MLLT3: variants seen among roughly 807,000 people sequenced by gnomAD.
MLLT3 encodes the protein protein AF-9.
Under a neutral mutation model 53.2 loss-of-function variants are expected in MLLT3, and 4 were observed. That is an observed-to-expected ratio of 0.08 (90% CI 0.04 to 0.17). The LOEUF is 0.17. MLLT3 is among the 10% of genes least tolerant of loss of function. The pLI, the probability that MLLT3 is intolerant of heterozygous loss-of-function variation, is 1.00. For synonymous variants in MLLT3, 283 were observed against 230.6 expected (o/e 1.23, Z -2.06); for missense variants, 569 against 684.0 (o/e 0.83, Z 1.87).
chr9:20,378,459 A>T lies in MLLT3; in HGVS notation c.1126-12715T>A, dbSNP rs189718210. 4.6e-4 allele frequency among the ~76,000 whole-genome samples: 70 copies of T among 152,178 alleles called. 2 individuals are homozygous for T. Among genetic ancestry groups the T allele is most frequent in the Non-Finnish European group, 1.5e-5 (1 of 67,896 alleles). The stretch of plus-strand genomic sequence containing the variant: ...AATCAAACTCAGAGCTTAAAAGTTT[A>T]CTTTTTATATTTATACTGTACACAG... On this transcript the variant is annotated intron_variant, in intron 5 of 10. Coordinates refer to ENST00000380338, the MANE Select transcript of MLLT3 (RefSeq NM_004529.4).
At position 20,551,564 on chromosome 9, in the gene MLLT3, C is replaced by T. The variant is rs563014682; in HGVS notation, c.193+69090G>A. On this transcript the variant is annotated intron_variant, in intron 2 of 10. Coordinates refer to ENST00000380338, the MANE Select transcript of MLLT3 (RefSeq NM_004529.4). ...AACAATCAGCCTTTCTCCTGTGACA[C>T]TTTTAATTCAAAAACAAACCCAAGG... 4.1e-4 allele frequency among the ~76,000 whole-genome samples: 62 copies of T among 152,272 alleles called. No individual in the cohort carries two copies. The South Asian group carries it at 0.012, about 30-fold the overall frequency.
chr9:20,553,168 T>C (rs1818968442), intron 2 of MLLT3, among the ~76,000 whole-genome samples: 1 of 152,164 alleles, frequency 6.6e-6, no homozygotes, highest in Admixed American at 6.5e-5. Context: ...ACCTCATGAA[T>C]CTTGGAGCAA....
At chr9:20,376,434 A>G (rs1291685589) in intron 5 of MLLT3, among the ~76,000 whole-genome samples, 1 of 152,220 alleles carries the variant, frequency 6.6e-6, no homozygotes, top group Non-Finnish European at 1.5e-5. Context: ...TATTTCTGTT[A>G]TATTTTCAAC....
intron 2 of MLLT3, among the ~76,000 whole-genome samples, chr9:20,566,586 A>G (rs373273437): frequency 6.3e-4 from 96 of 152,224 alleles, no homozygotes; most frequent in African/African-American, 2.2e-3. Context: ...TGTGCACTCT[A>G]TAAGAGCAAG....
At chr9:20,547,178 T>C (rs1469664213) in intron 2 of MLLT3, among the ~76,000 whole-genome samples, 1 of 152,052 alleles carries the variant, frequency 6.6e-6, no homozygotes, top group Non-Finnish European at 1.5e-5. Flanking sequence ...AATTGAGATA[T>C]GTTATATTCT....
intron 2 of MLLT3, among the ~76,000 whole-genome samples, chr9:20,583,538 T>C (rs547191170): frequency 1.3e-5 from 2 of 152,258 alleles, no homozygotes; most frequent in South Asian, 4.1e-4. Context: ...CAGCAAATTT[T>C]TCCCTGGGCA....
chr9:20,616,416 G>GT (rs1026370695), intron 2 of MLLT3, among the ~76,000 whole-genome samples: 45 of 151,904 alleles, frequency 3.0e-4, no homozygotes, highest in African/African-American at 1.1e-3. Flanking sequence ...TTCTATATTG[G>GT]TTTTTTATTC....
chr9:20,563,103 G>C (rs553610752), intron 2 of MLLT3, among the ~76,000 whole-genome samples: 6 of 152,078 alleles, frequency 3.9e-5, no homozygotes, highest in African/African-American at 1.4e-4. Context: ...ACATGCTGGG[G>C]AAAGTTTCCA....
chr9:20,366,289 T>C (rs1821449074), intron 5 of MLLT3, among the ~76,000 whole-genome samples: 1 of 152,196 alleles, frequency 6.6e-6, no homozygotes, highest in South Asian at 2.1e-4. Context: ...TATGAGAACA[T>C]GCGGTGTTTG....
intron 7 of MLLT3, among the ~76,000 whole-genome samples, chr9:20,362,173 C>G (rs1456347810): frequency 1.3e-5 from 2 of 152,156 alleles, no homozygotes; most frequent in East Asian, 3.9e-4. Context: ...AGGCAGGGAA[C>G]AAGAAAAGCA....
intron 2 of MLLT3, among the ~76,000 whole-genome samples, chr9:20,541,479 A>C (rs566007293): frequency 6.6e-6 from 1 of 152,344 alleles, no homozygotes; most frequent in African/African-American, 2.4e-5. Flanking sequence ...GAAACTTACA[A>C]TCATGGCAGA....
chr9:20,586,598 G>A (rs540480928), intron 2 of MLLT3, among the ~76,000 whole-genome samples: 1 of 151,928 alleles, frequency 6.6e-6, no homozygotes, highest in Non-Finnish European at 1.5e-5. Flanking sequence ...ACTGAGATAG[G>A]CAAAATACCA....
At chr9:20,587,219 T>G (rs1430582540) in intron 2 of MLLT3, among the ~76,000 whole-genome samples, 1 of 149,594 alleles carries the variant, frequency 6.7e-6, no homozygotes, top group African/African-American at 2.4e-5. Context: ...CCCAATAGGT[T>G]CATATCTGCA....
intron 2 of MLLT3, among the ~76,000 whole-genome samples, chr9:20,579,229 A>T (rs1819728742): frequency 6.6e-6 from 1 of 152,020 alleles, no homozygotes; most frequent in Admixed American, 6.6e-5. Flanking sequence ...AAAATTTAAA[A>T]TTAGCTGGGC....
intron 4 of MLLT3, among the ~76,000 whole-genome samples, chr9:20,428,588 C>T (rs780569899): frequency 6.6e-6 from 1 of 151,924 alleles, no homozygotes; most frequent in Non-Finnish European, 1.5e-5. Flanking sequence ...CACCAATCCT[C>T]GTCTGTGAAG....
intron 10 of MLLT3, among the ~76,000 whole-genome samples, chr9:20,348,921 T>G (rs1476857952): frequency 1.3e-5 from 2 of 152,212 alleles, no homozygotes; most frequent in African/African-American, 4.8e-5. Flanking sequence ...TCAATTGAAC[T>G]AAGACTATGT....
rs369897427 is a variant in MLLT3, at chr9:20,584,233, GACC to G, written c.193+36418_193+36420del. On this transcript the variant is annotated intron_variant, in intron 2 of 10. Coordinates refer to ENST00000380338, the MANE Select transcript of MLLT3 (RefSeq NM_004529.4). ...CAACAAGTTCCTCATCTCCATCTGA[GACC>G]ACCTCAGCCTAGACTTTATTGTTCA... Among the ~76,000 whole-genome samples, 496 of 152,202 alleles carry G rather than the reference GACC, an allele frequency of 3.3e-3. 2 individuals are homozygous for G. The highest frequency in any genetic ancestry group is 0.012 in the African/African-American group (478 of 41,514).
chr9:20,594,118 T>C (rs1820193551), intron 2 of MLLT3, among the ~76,000 whole-genome samples: 1 of 151,988 alleles, frequency 6.6e-6, no homozygotes, highest in African/African-American at 2.4e-5. Context: ...TTTTTTGTAT[T>C]TTAGTAGAGA....
intron 2 of MLLT3, among the ~76,000 whole-genome samples, chr9:20,548,144 T>C (rs1232626527): frequency 6.6e-6 from 1 of 152,234 alleles, no homozygotes; most frequent in Non-Finnish European, 1.5e-5. Flanking sequence ...TCAAGCCTCT[T>C]GTTTAAGTTT....
Sources: gnomAD v4.1 joint callset for allele counts (sites outside exome capture counted in the v4.1 genomes callset) on GRCh38, gnomAD v4.1.1 for gene constraint, MANE v1.5 for transcripts, NCBI Gene and HGNC (gene_info 2026-07-23, HGNC 2026-07-21) for gene names.